Variants in GARRE1 observed in about 807,000 individuals in gnomAD.
GARRE1 encodes the protein granule associated Rac and RHOG effector 1, also known as granule associated Rac and RHOG effector protein 1.
GARRE1 carries 49 observed loss-of-function variants against 103.2 expected under a neutral mutation model. That is an observed-to-expected ratio of 0.47 (90% CI 0.38 to 0.60). The LOEUF (loss-of-function observed/expected upper bound fraction) is 0.60, where lower values mean the gene tolerates loss of function less well. GARRE1 is among the 20% of genes least tolerant of loss of function. The pLI is 0.00. For synonymous variants in GARRE1, 505 were observed against 532.8 expected (o/e 0.95, Z 0.72); for missense variants, 1,199 against 1,370.5 (o/e 0.87, Z 1.98).
At chr19:34,295,514 G>C (rs1403405085) in intron 1 of GARRE1, among the ~76,000 whole-genome samples, 1 of 97,770 alleles carries the variant, frequency 1.0e-5, no homozygotes, top group African/African-American at 3.7e-5. Flanking sequence ...TGTATCTCTT[G>C]GTGTTTTGTT....
chr19:34,301,036 T>C, intron 2 of GARRE1, 68 bp downstream of exon 2: 2 of 1,484,490 alleles, frequency 1.3e-6, no homozygotes, highest in Non-Finnish European at 1.8e-6. Context: ...AATATTGTCT[T>C]AAGTTTTTTT....
At chr19:34,255,130 C>T (rs560589189) in intron 1 of GARRE1, among the ~76,000 whole-genome samples, 1 of 152,038 alleles carries the variant, frequency 6.6e-6, no homozygotes, top group Non-Finnish European at 1.5e-5. Context: ...GCCAGGCTGC[C>T]GAGGAACGCG....
chr19:34,268,478 T>G (rs1223240566), intron 1 of GARRE1, among the ~76,000 whole-genome samples: 1 of 152,222 alleles, frequency 6.6e-6, no homozygotes, highest in East Asian at 1.9e-4. Context: ...ATACTAGTTT[T>G]GTTTTGTTTT....
At chr19:34,328,786 T>G (rs926925348) in intron 6 of GARRE1, among the ~76,000 whole-genome samples, 4 of 152,048 alleles carry the variant, frequency 2.6e-5, no homozygotes, top group Non-Finnish European at 4.4e-5. Context: ...TTTTGTATTT[T>G]TAGTAGAGAC....
rs764020643 is a variant in GARRE1 at position 34,300,696 on chromosome 19, G to A, written c.223G>A (p.Asp75Asn). ...HAMPHTTPIADIQQGISKYLD... is the reference protein window; with the variant it reads ...HAMPHTTPIANIQQGISKYLD... ...CATGCCCCACACTACTCCTATCGCC[G>A]ACATCCAGCAGGGCATCTCCAAGTA... The change falls in exon 2 of 14, where the codon GAC (aspartate) becomes AAC (asparagine). Residue 75 changes from aspartate to asparagine, a missense_variant. Coordinates refer to ENST00000299505, the MANE Select transcript of GARRE1 (RefSeq NM_014686.5). The A allele has an allele frequency of 5.0e-6, 8 of 1,613,942 alleles. No individual in the cohort carries two copies. The highest frequency in any genetic ancestry group is 1.3e-5 in the African/African-American group (1 of 74,932).
At chr19:34,299,038 C>T (rs1273057112) in intron 1 of GARRE1, among the ~76,000 whole-genome samples, 1 of 152,158 alleles carries the variant, frequency 6.6e-6, no homozygotes, top group Non-Finnish European at 1.5e-5. Context: ...CTGTAAACCG[C>T]CTGCCAGCCA....
Position 34,349,103 on chromosome 19 carries a change from G to T in GARRE1, c.2775G>T (p.Leu925Phe). 6.2e-7 allele frequency: 1 copy of T among 1,612,902 alleles called. No homozygotes were observed. The highest frequency in any genetic ancestry group is 1.1e-5 in the South Asian group (1 of 91,080). Residue 925 changes from leucine (L) to phenylalanine (F), a missense_variant, in exon 12 of 14, where the codon TTG becomes TTT. By Grantham distance (22) the Leu-to-Phe change is conservative. Coordinates refer to ENST00000299505, the MANE Select transcript of GARRE1 (RefSeq NM_014686.5). The stretch of plus-strand genomic sequence containing the variant: ...CATCCTCAGCCAACGGGGACAGCTT[G>T]TTCTCCATGTTTTCAGGGCCTGACC... ...DETSSANGDS[L>F]FSMFSGPDLV...
At chr19:34,327,950 C>T (rs576582597) in intron 5 of GARRE1, 40 bp from the exon 6 acceptor site, 4 of 1,613,664 alleles carry the variant, frequency 2.5e-6, no homozygotes, top group Admixed American at 1.7e-5. Context: ...GACAGATGAG[C>T]GATGGGTCAC....
chr19:34,279,355 C>G (rs1480398838), intron 1 of GARRE1, among the ~76,000 whole-genome samples: 1 of 152,036 alleles, frequency 6.6e-6, no homozygotes, highest in African/African-American at 2.4e-5. Context: ...GGCTGGAGTT[C>G]AGTGGCCCAT....
In GARRE1 at chr19:34,342,261, G is replaced by A; in HGVS notation, c.2327G>A (p.Gly776Asp). The A allele has an allele frequency of 6.2e-7, 1 of 1,614,178 alleles. No homozygotes were observed. Among genetic ancestry groups the A allele is most frequent in the Non-Finnish European group, 8.5e-7 (1 of 1,180,028 alleles). The change falls in exon 10 of 14, where the codon GGT (glycine) becomes GAT (aspartate). Residue 776 changes from glycine to aspartate, a missense_variant. Gly to Asp is a moderately conservative substitution (Grantham distance 94, BLOSUM62 -1). Transcript: ENST00000299505. ...QAVGAGLSPL[G>D]QWPGISDLSS... ...GTTGGAGCAGGTCTGTCTCCTCTTGGTCAGTGGCCTGGCATATCTGATCTC... is the reference window on the plus strand; with the variant it reads ...GTTGGAGCAGGTCTGTCTCCTCTTGATCAGTGGCCTGGCATATCTGATCTC...
At chr19:34,309,810 G>A (rs1024692815) in intron 2 of GARRE1, among the ~76,000 whole-genome samples, 1 of 152,184 alleles carries the variant, frequency 6.6e-6, no homozygotes, top group African/African-American at 2.4e-5. Context: ...AGGGCTTTTC[G>A]CATGTGAAGT....
At chr19:34,272,257 A>G (rs2073792363) in intron 1 of GARRE1, among the ~76,000 whole-genome samples, 1 of 152,206 alleles carries the variant, frequency 6.6e-6, no homozygotes, top group Non-Finnish European at 1.5e-5. Flanking sequence ...TCTGTTGCCC[A>G]GGCTGGAGTG....
chr19:34,336,556 C>T (rs2074162139), intron 8 of GARRE1, among the ~76,000 whole-genome samples: 1 of 151,038 alleles, frequency 6.6e-6, no homozygotes, highest in African/African-American at 2.4e-5. Flanking sequence ...CAACCTCCAC[C>T]TCCTGGGTTC....
At chr19:34,352,199 C>G (rs1041085932) in intron 13 of GARRE1, among the ~76,000 whole-genome samples, 5 of 152,112 alleles carry the variant, frequency 3.3e-5, no homozygotes, top group African/African-American at 7.2e-5. Flanking sequence ...GTCAGGAGAT[C>G]GAGACTATCC....
At chr19:34,303,613 CT>C (rs2073991834) in intron 2 of GARRE1, among the ~76,000 whole-genome samples, 1 of 152,098 alleles carries the variant, frequency 6.6e-6, no homozygotes. Flanking sequence ...CTCACATATT[CT>C]TTGTTTTTGT....
At chr19:34,327,364 A>G (rs1445297496) in intron 3 of GARRE1, 57 bp from the exon 4 acceptor site, 1 of 1,514,558 alleles carries the variant, frequency 6.6e-7, no homozygotes, top group Non-Finnish European at 9.1e-7. Flanking sequence ...TTGTTGGTCT[A>G]ATGTTGCTAG....
chr19:34,273,300 T>A (rs4806006), intron 1 of GARRE1, among the ~76,000 whole-genome samples: 4 of 152,234 alleles, frequency 2.6e-5, no homozygotes, highest in Admixed American at 6.5e-5. Context: ...ATATTTGATA[T>A]CTAAAGCTCC....
rs1203071666 is a variant in GARRE1 at position 34,347,989 on chromosome 19, G to A, written c.2634G>A (p.Pro878=). ...RRPGNPRGNW[P]PMDDAHRTWP... ...CAGGCAACCCCCGGGGCAACTGGCC[G>A]CCTATGGATGACGCGCATCGGACCT... The change falls in exon 11 of 14, where the codon CCG becomes CCA. Residue 878 remains proline, a synonymous_variant. Transcript: ENST00000299505. The A allele has an allele frequency of 1.5e-5, 23 of 1,578,278 alleles. No individual in the cohort carries two copies. Among genetic ancestry groups the A allele is most frequent in the Non-Finnish European group, 1.6e-5 (19 of 1,159,352 alleles).
At chr19:34,348,979 A>AGGAGGCCC (rs1568313551) in intron 11 of GARRE1, 37 bp from the exon 12 acceptor site, 1 of 1,604,306 alleles carries the variant, frequency 6.2e-7, no homozygotes, top group Admixed American at 1.7e-5. Flanking sequence ...GTGGGGCTGC[A>AGGAGGCCC]GGAGGCCCTG....
Sources: gnomAD v4.1 joint callset for allele counts (sites outside exome capture counted in the v4.1 genomes callset) on GRCh38, gnomAD v4.1.1 for gene constraint, MANE v1.5 for transcripts, NCBI Gene and HGNC (gene_info 2026-07-23, HGNC 2026-07-21) for gene names.